SLC26A7: variants seen among roughly 807,000 people sequenced by gnomAD.
The protein encoded by SLC26A7 is solute carrier family 26 member 7.
Under a neutral mutation model 82.5 loss-of-function variants are expected in SLC26A7, and 59 were observed. The observed-to-expected ratio is 0.72, with a 90% CI of 0.58 to 0.89. SLC26A7 has a LOEUF of 0.89. Ranked by LOEUF, SLC26A7 falls within the 40% of genes least tolerant of loss-of-function variation. The pLI is 0.00. For missense variants in SLC26A7, 820 were observed against 793.0 expected, an observed-to-expected ratio of 1.03 and a Z score of -0.41; for synonymous variants, 271 against 274.3, an observed-to-expected ratio of 0.99 and a Z score of 0.12.
At chr8:91,232,533 A>G (rs1810323595) in intron 2 of SLC26A7, among the ~76,000 whole-genome samples, 2 of 152,258 alleles carry the variant, frequency 1.3e-5, no homozygotes, top group South Asian at 2.1e-4. Flanking sequence ...CATGTGCCCC[A>G]TAACCAGTGT....
intron 9 of SLC26A7, among the ~76,000 whole-genome samples, chr8:91,349,741 T>A (rs930839390): frequency 1.3e-5 from 2 of 152,158 alleles, no homozygotes; most frequent in Admixed American, 1.3e-4. Flanking sequence ...AGGGTTTTGG[T>A]TTCAGGTACA....
chr8:91,282,347 G>A (rs978056279), intron 2 of SLC26A7, among the ~76,000 whole-genome samples: 1 of 152,114 alleles, frequency 6.6e-6, no homozygotes, highest in Non-Finnish European at 1.5e-5. Context: ...CTTCTCTAGA[G>A]CCACAGGATG....
rs181607294 is a variant in SLC26A7 at position 91,244,054 on chromosome 8, G to T, written c.-33-5565G>T. Among the ~76,000 whole-genome samples, 568 of 152,270 alleles carry T rather than the reference G, an allele frequency of 3.7e-3. 1 individual carries two copies. Among genetic ancestry groups the T allele is most frequent in the Middle Eastern group, 0.014 (4 of 294 alleles). On this transcript the variant is annotated intron_variant, in intron 2 of 5. Transcript: ENST00000522862. Reference sequence around the variant, plus strand: ...TATACATATTTCCTTTAGCATAGAGGTTAATGTTTCTAGAAATAGGATTGC... The same window carrying T: ...TATACATATTTCCTTTAGCATAGAGTTTAATGTTTCTAGAAATAGGATTGC...
chr8:91,222,906 A>C (rs935892365), intron 2 of SLC26A7, among the ~76,000 whole-genome samples: 3 of 152,204 alleles, frequency 2.0e-5, no homozygotes, highest in African/African-American at 7.2e-5. Context: ...TTTCAGAAGG[A>C]ATGGTACCAG....
chr8:91,344,105 G>A (rs772303119), intron 9 of SLC26A7: 6 of 985,234 alleles, frequency 6.1e-6, no homozygotes, highest in Non-Finnish European at 6.0e-6. Context: ...AAGATATTGA[G>A]TTGTGTGCCA....
upstream of SLC26A7, among the ~76,000 whole-genome samples, chr8:91,245,366 G>A (rs991581741): frequency 2.6e-5 from 4 of 152,160 alleles, no homozygotes; most frequent in Non-Finnish European, 5.9e-5. Flanking sequence ...ATTCAGGGAT[G>A]TGCCTGTATG....
At chr8:91,239,395 A>AATATATATATATATAT (rs1554600120) in intron 2 of SLC26A7, among the ~76,000 whole-genome samples, 8 of 94,854 alleles carry the variant, frequency 8.4e-5, no homozygotes, top group African/African-American at 2.1e-4. Context: ...AAAAAAAAAA[A>AATATATATATATATAT]ATATATATAT....
intron 2 of SLC26A7, among the ~76,000 whole-genome samples, chr8:91,273,666 A>G (rs546315383): frequency 6.6e-6 from 1 of 152,294 alleles, no homozygotes; most frequent in Non-Finnish European, 1.5e-5. Context: ...AGATACAACC[A>G]AATAACTTCG....
intron 6 of SLC26A7, among the ~76,000 whole-genome samples, chr8:91,336,188 C>T (rs376383770): frequency 2.4e-4 from 36 of 152,238 alleles, no homozygotes; most frequent in African/African-American, 8.2e-4. Flanking sequence ...CACAAACCCC[C>T]TACTCCCACA....
intron 8 of SLC26A7, among the ~76,000 whole-genome samples, chr8:91,341,348 T>G (rs1813408181): frequency 6.6e-6 from 1 of 152,174 alleles, no homozygotes; most frequent in Non-Finnish European, 1.5e-5. Context: ...TAGTATTCCA[T>G]GGTGTATATG....
At chr8:91,334,207 C>T in intron 5 of SLC26A7, 88 bp from the exon 6 acceptor site, 1 of 1,250,154 alleles carries the variant, frequency 8.0e-7, no homozygotes, top group Non-Finnish European at 1.1e-6. Flanking sequence ...TTTTATAAAA[C>T]ATCATTGAGT....
chr8:91,240,498 GCTTATAAA>G (rs2130685067), intron 2 of SLC26A7, among the ~76,000 whole-genome samples: 1 of 152,150 alleles, frequency 6.6e-6, no homozygotes, highest in South Asian at 2.1e-4. Flanking sequence ...AACTAAAATG[GCTTATAAA>G]CTTATTCTGC....
chr8:91,311,270 A>G (rs556149166), intron 4 of SLC26A7, among the ~76,000 whole-genome samples: 1 of 152,310 alleles, frequency 6.6e-6, no homozygotes, highest in Non-Finnish European at 1.5e-5. Flanking sequence ...AAAAGACTAC[A>G]TATTATATGA....
At chr8:91,231,010 G>A (rs1453726745) in intron 2 of SLC26A7, among the ~76,000 whole-genome samples, 2 of 151,856 alleles carry the variant, frequency 1.3e-5, no homozygotes, top group African/African-American at 4.8e-5. Flanking sequence ...CAAAGTGGGT[G>A]GAGACATGAA....
chr8:91,239,392 A>T (rs1810437659), intron 2 of SLC26A7, among the ~76,000 whole-genome samples: 2 of 100,920 alleles, frequency 2.0e-5, no homozygotes, highest in Non-Finnish European at 4.4e-5. Context: ...AAAAAAAAAA[A>T]AAAATATATA....
chr8:91,263,733 T>C (rs149615392), intron 2 of SLC26A7, among the ~76,000 whole-genome samples: 190 of 152,150 alleles, frequency 1.2e-3, no homozygotes, highest in African/African-American at 4.2e-3. Flanking sequence ...TTAAGTCTCT[T>C]ATGTGATCCT....
rs914303060 is a variant in SLC26A7 at position 91,366,660 on chromosome 8, A to C, written c.1569A>C (p.Leu523Phe). ...ATGCAAAAAAATTTTATACTGATTT[A>C]ATGAACATGATCCAAAAGGAAAATG... ...FLNAKKFYTDLMNMIQKENAC... is the reference protein window; with the variant it reads ...FLNAKKFYTDFMNMIQKENAC... Residue 523 changes from leucine to phenylalanine, a missense_variant, in exon 14 of 19, where the codon TTA becomes TTC. Leu to Phe is a conservative substitution (Grantham distance 22). Transcript: ENST00000276609. The C allele has an allele frequency of 6.2e-7, 1 of 1,613,536 alleles. No individual in the cohort carries two copies. The highest frequency in any genetic ancestry group is 1.3e-5 in the African/African-American group (1 of 74,900).
intron 13 of SLC26A7, 134 bp from the exon 14 acceptor site, chr8:91,366,446 G>C (rs1814193277): frequency 1.1e-6 from 1 of 873,276 alleles, no homozygotes; most frequent in Admixed American, 2.9e-5. Flanking sequence ...GTACATTAAG[G>C]CCTCTAAATA....
chr8:91,255,026 C>T (rs1264436343), intron 2 of SLC26A7, among the ~76,000 whole-genome samples: 1 of 152,078 alleles, frequency 6.6e-6, no homozygotes, highest in African/African-American at 2.4e-5. Context: ...CCTGAATGAC[C>T]ATCTGGGGGA....
Sources: allele counts gnomAD v4.1 joint callset (sites outside exome capture counted in the v4.1 genomes callset), GRCh38; gene constraint gnomAD v4.1.1; transcripts MANE v1.5; gene names NCBI Gene and HGNC (gene_info 2026-07-23, HGNC 2026-07-21).